Variants in TFF2 observed in about 807,000 individuals in gnomAD.
The protein encoded by TFF2 is trefoil factor 2.
A neutral mutation model predicts 16.0 loss-of-function variants in TFF2; 19 were observed. The ratio of observed to expected loss-of-function variants is 1.19; its 90% CI spans 0.83 to 1.74. The LOEUF is 1.74. Among genes scored for constraint, TFF2 ranks in the 40% most tolerant of loss-of-function variants. TFF2 has a pLI of 0.00. For missense variants in TFF2, 168 were observed against 166.8 expected (o/e 1.01, Z -0.04); for synonymous variants, 61 against 65.4 (o/e 0.93, Z 0.32).
At chr21:42,347,668 A>C in intron 2 of TFF2, 36 bp from the exon 3 acceptor site, 1 of 1,608,308 alleles carries the variant, frequency 6.2e-7, no homozygotes, top group Non-Finnish European at 8.5e-7. Context: ...AGACCCAGTC[A>C]GGCCTGCTGT....
Position 42,349,933 on chromosome 21 carries a change from G to A in TFF2, c.177C>T (p.Phe59=), listed in dbSNP as rs141463867. Residue 59 remains phenylalanine (F), a synonymous_variant, in exon 2 of 4, where the codon TTC becomes TTT. Coordinates refer to ENST00000291526, the MANE Select transcript of TFF2 (RefSeq NM_005423.5). ...AGGGGACCCCAGTGACACTGGAGTC[G>A]AAACAGCATCCATTGTCAAAACACT... ...SDQCFDNGCC[F]DSSVTGVPWC... The A allele has an allele frequency of 4.4e-3, 6,994 of 1,600,428 alleles. 46 individuals carry two copies. Among genetic ancestry groups the A allele is most frequent in the Non-Finnish European group, 4.1e-3 (4,815 of 1,173,354 alleles).
chr21:42,349,077 C>A (rs2052092753), intron 2 of TFF2, among the ~76,000 whole-genome samples: 1 of 151,238 alleles, frequency 6.6e-6, no homozygotes, highest in Non-Finnish European at 1.5e-5. Flanking sequence ...GACTAACCAA[C>A]CTGGGCTAGC....
intron 1 of TFF2, 32 bp downstream of exon 1, chr21:42,350,847 A>G: frequency 6.3e-7 from 1 of 1,577,164 alleles, no homozygotes; most frequent in Non-Finnish European, 8.6e-7. Flanking sequence ...GAAATAAAGA[A>G]AGCACATAAA....
rs375281542 is a variant in TFF2, at chr21:42,349,850, G to A, written c.229+31C>T. ...GAAGCTGGGTCCTGGGTTGCCAGCTGCTGGCCCAGGAAGATTCCCTGGAAG... is the reference window on the plus strand; with the variant it reads ...GAAGCTGGGTCCTGGGTTGCCAGCTACTGGCCCAGGAAGATTCCCTGGAAG... On this transcript the variant is annotated intron_variant, in intron 2 of 3. Transcript: ENST00000291526. The A allele has an allele frequency of 2.2e-5, 34 of 1,560,204 alleles. No individual in the cohort carries two copies. In the African/African-American group the frequency reaches 3.9e-4, roughly 18 times the overall value.
chr21:42,347,964 T>G (rs2052082455), intron 2 of TFF2, among the ~76,000 whole-genome samples: 1 of 152,132 alleles, frequency 6.6e-6, no homozygotes, highest in African/African-American at 2.4e-5. Flanking sequence ...CGGGACTCAG[T>G]GTTCTCAGTA....
intron 2 of TFF2, among the ~76,000 whole-genome samples, chr21:42,348,438 T>C (rs1363790269): frequency 2.0e-5 from 3 of 152,166 alleles, no homozygotes; most frequent in African/African-American, 7.2e-5. Context: ...ACCTACTATA[T>C]ATATATATAT....
At chr21:42,350,193 G>A (rs894160734) in intron 1 of TFF2, 163 bp from the exon 2 acceptor site, 42 of 1,278,016 alleles carry the variant, frequency 3.3e-5, no homozygotes, top group East Asian at 9.0e-5. Context: ...CTGAGAAGCC[G>A]ATAGGGCTTT....
chr21:42,347,663 C>G (rs1166168700), intron 2 of TFF2, 31 bp from the exon 3 acceptor site: 1 of 1,610,272 alleles, frequency 6.2e-7, no homozygotes, highest in Non-Finnish European at 8.5e-7. Context: ...CACCGAGACC[C>G]AGTCAGGCCT....
Position 42,347,587 on chromosome 21 carries a change from CCA to C in TFF2, c.273_274del (p.Cys91TrpfsTer23). 2 of 1,614,226 alleles carry C rather than the reference CCA, an allele frequency of 1.2e-6. No homozygotes were observed. The highest frequency in any genetic ancestry group is 1.7e-6 in the Non-Finnish European group (2 of 1,180,036). On this transcript the variant is annotated frameshift_variant, in exon 3 of 4. Transcript: ENST00000291526. LOFTEE classifies it high-confidence loss of function. ...TTCCTCGGGGCTGATGCCCGGGTAG[CCA>C]CAGTTTCTTCGGTCTGAGACCTCCA... is the stretch of plus-strand genomic sequence containing the variant.
At chr21:42,349,446 TCC>T (rs2052096730) in intron 2 of TFF2, among the ~76,000 whole-genome samples, 1 of 90,614 alleles carries the variant, frequency 1.1e-5, no homozygotes, top group East Asian at 4.3e-4. Context: ...CTGGGCTAGC[TCC>T]AGACTAACCA....
intron 2 of TFF2, among the ~76,000 whole-genome samples, chr21:42,349,473 C>G (rs79287332): frequency 0.13 from 18,137 of 134,612 alleles, 845 homozygotes; most frequent in Middle Eastern, 0.22. Context: ...GGGCTAGCCC[C>G]AGACTAACCA....
Position 42,350,022 on chromosome 21 carries a change from G to A in TFF2, c.88C>T (p.Gln30Ter). The A allele has an allele frequency of 6.3e-7, 1 of 1,598,252 alleles. No homozygotes were observed. Residue 30 changes from glutamine to a stop codon, truncating the protein, a stop_gained, in exon 2 of 4, where the codon CAG (glutamine) becomes TAG (stop). Transcript: ENST00000291526. LOFTEE classifies it high-confidence loss of function. ...TTATGGGGGCTCAGCCTGGAGCACT[G>A]GCAGGGGGCTGTGGAAAGACCCTCA... ...LAGSEKPSPC[Q>*]CSRLSPHNRT...
intron 1 of TFF2, 121 bp downstream of exon 1, chr21:42,350,758 A>G (rs2052110390): frequency 9.4e-7 from 1 of 1,059,862 alleles, no homozygotes; most frequent in South Asian, 1.6e-5. Context: ...CATGTGAACA[A>G]CACACATTGC....
intron 3 of TFF2, 112 bp from the exon 4 acceptor site, chr21:42,346,658 A>T: frequency 3.3e-6 from 4 of 1,218,884 alleles, no homozygotes; most frequent in Non-Finnish European, 4.6e-6. Context: ...CCTACTGAAG[A>T]AGGAGCTCCT....
Position 42,347,609 on chromosome 21 carries a change from C to T in TFF2, c.253G>A (p.Val85Ile). 1 of 1,614,174 alleles carries T rather than the reference C, an allele frequency of 6.2e-7. No individual in the cohort carries two copies. Among genetic ancestry groups the T allele is most frequent in the South Asian group, 1.1e-5 (1 of 91,078 alleles). ...KQESDQCVME[V>I]SDRRNCGYPG... ...TAGCCACAGTTTCTTCGGTCTGAGA[C>T]CTCCATGACGCACTGATCCGACTCT... The change falls in exon 3 of 4, where the codon GTC becomes ATC. Residue 85 changes from valine (V) to isoleucine (I), a missense_variant. Val to Ile is a conservative substitution (Grantham distance 29). Transcript: ENST00000291526.
intron 2 of TFF2, among the ~76,000 whole-genome samples, chr21:42,349,451 A>G (rs1032517268): frequency 6.8e-6 from 1 of 147,252 alleles, no homozygotes; most frequent in Admixed American, 6.8e-5. Flanking sequence ...CTAGCTCCAG[A>G]CTAACCAACC....
chr21:42,350,834 A>C (rs368063543), intron 1 of TFF2, 45 bp downstream of exon 1: 143 of 1,539,766 alleles, frequency 9.3e-5, no homozygotes, highest in Non-Finnish European at 1.2e-4. Context: ...TTTTTCTTTA[A>C]GAGAAATAAA....
intron 2 of TFF2, among the ~76,000 whole-genome samples, chr21:42,348,447 A>ATAT (rs1555848721): frequency 1.3e-5 from 2 of 151,968 alleles, no homozygotes; most frequent in African/African-American, 4.8e-5. Flanking sequence ...ATATATATAT[A>ATAT]TTTTTTTCTC....
At chr21:42,349,436 C>G (rs2052096420) in intron 2 of TFF2, among the ~76,000 whole-genome samples, 1 of 150,282 alleles carries the variant, frequency 6.7e-6, no homozygotes, top group Non-Finnish European at 1.5e-5. Context: ...ACTAACCAAC[C>G]TGGGCTAGCT....
Sources: allele counts gnomAD v4.1 joint callset (sites outside exome capture counted in the v4.1 genomes callset), GRCh38; gene constraint gnomAD v4.1.1; transcripts MANE v1.5; gene names NCBI Gene and HGNC (gene_info 2026-07-23, HGNC 2026-07-21).